RASA1: variants seen among roughly 807,000 people sequenced by gnomAD.
RASA1 encodes the protein RAS p21 protein activator 1.
A neutral mutation model predicts 132.2 loss-of-function variants in RASA1; 25 were observed. That is an observed-to-expected ratio of 0.19 (90% confidence interval 0.14 to 0.26). The LOEUF (loss-of-function observed/expected upper bound fraction) is 0.26, where lower values mean the gene tolerates loss of function less well. Ranked by LOEUF, RASA1 falls within the 10% of genes least tolerant of loss-of-function variation. The probability of loss-of-function intolerance (pLI) is 1.00; values close to 1 mark genes in which losing one functional copy is unlikely to be tolerated. For missense variants in RASA1, 964 were observed against 1,299.2 expected (o/e 0.74, Z 3.97); for synonymous variants, 477 against 449.9 (o/e 1.06, Z -0.76).
intron 4 of RASA1, among the ~76,000 whole-genome samples, chr5:87,335,439 T>C (rs2112378451): frequency 6.8e-6 from 1 of 146,350 alleles, no homozygotes; most frequent in Non-Finnish European, 1.5e-5. Flanking sequence ...TTTTTTTTTT[T>C]TTTTTGTGAC....
chr5:87,381,233 G>C (rs941728030), intron 20 of RASA1, among the ~76,000 whole-genome samples: 2 of 152,160 alleles, frequency 1.3e-5, no homozygotes, highest in African/African-American at 4.8e-5. Flanking sequence ...TCTGTCTGGA[G>C]AGGTTAAGTT....
intron 1 of RASA1, among the ~76,000 whole-genome samples, chr5:87,289,430 A>G (rs1308099972): frequency 6.6e-6 from 1 of 151,978 alleles, no homozygotes; most frequent in African/African-American, 2.4e-5. Context: ...TGAATCATTT[A>G]TTTTCTTGTA....
At chr5:87,381,887 T>C (rs79963785) in intron 20 of RASA1, among the ~76,000 whole-genome samples, 1,804 of 152,310 alleles carry the variant, frequency 0.012, 28 homozygotes, top group African/African-American at 0.041. Context: ...CTATGTATAA[T>C]TATCACAATA....
intron 9 of RASA1, among the ~76,000 whole-genome samples, chr5:87,361,772 G>T (rs1374938355): frequency 1.3e-5 from 2 of 152,114 alleles, no homozygotes; most frequent in African/African-American, 4.8e-5. Context: ...GGTTAGGGGT[G>T]TTAACACTTA....
At position 87,332,357 on chromosome 5, in the gene RASA1, G is replaced by A. The variant is rs578169577; in HGVS notation, c.693-150G>A. On this transcript the variant is annotated intron_variant, in intron 2 of 24. Transcript: ENST00000274376. Reference sequence around the variant, plus strand: ...ATAGCCCCAAGTAATTTACTGTGATGAAGATACTAATAAGTGGTATTTTAG... The same window carrying A: ...ATAGCCCCAAGTAATTTACTGTGATAAAGATACTAATAAGTGGTATTTTAG... The A allele has an allele frequency of 9.9e-5, 74 of 747,522 alleles. No individual in the cohort carries two copies. The East Asian group carries it at 1.9e-3, about 19-fold the overall frequency. The allele number at this position is 747,522 out of a possible 1,614,324, so 46.3% of individuals were successfully genotyped here.
Position 87,268,970 on chromosome 5 carries a change from G to A in RASA1, c.519G>A (p.Leu173=), listed in dbSNP as rs759689538. The change falls in exon 1 of 25, where the codon TTG becomes TTA. Residue 173 remains leucine (L), a synonymous_variant. Coordinates refer to ENST00000274376, the MANE Select transcript of RASA1 (RefSeq NM_002890.3). ...AGGAGGAAGAGGTGGCCATACCGTT[G>A]ACCGCTCCTCCAACTAACCAGTAAG... The part of the protein sequence containing the change: ...EYEEEEVAIP[L]TAPPTNQWYH... 12 of 1,614,066 alleles carry A rather than the reference G, an allele frequency of 7.4e-6. No individual in the cohort carries two copies. In the Admixed American group the frequency reaches 1.2e-4, roughly 16 times the overall value.
rs1762088596 is a variant in RASA1 at position 87,386,740 on chromosome 5, T to C, written c.2848-86T>C. The C allele has an allele frequency of 2.5e-6, 3 of 1,183,806 alleles. No homozygotes were observed. In the East Asian group the frequency reaches 7.1e-5, roughly 28 times the overall value. 73.3% of individuals were successfully genotyped at this position (1,183,806 alleles called of 1,614,324 possible). A position where few individuals can be genotyped will look rare whatever the true frequency, so the allele number is the denominator to read the frequency against. ...GCAATAGTAATTGCAGTTTTTGCTG[T>C]TAACTGTAATTACTTTTGCACCAAC... On this transcript the variant is annotated intron_variant, in intron 22 of 24. Coordinates refer to ENST00000274376, the MANE Select transcript of RASA1 (RefSeq NM_002890.3).
At position 87,268,579 on chromosome 5, in the gene RASA1, C is replaced by T. The variant is rs1466107957; in HGVS notation, c.128C>T (p.Pro43Leu). 2.5e-6 allele frequency: 4 copies of T among 1,609,302 alleles called. No individual in the cohort carries two copies. The highest frequency in any genetic ancestry group is 1.1e-5 in the South Asian group (1 of 90,436). The part of the protein sequence containing the change: ...VCRVKIPAAL[P>L]VAAAPYPGLV... ...CGGGTGAAGATACCCGCGGCCCTGC[C>T]TGTGGCAGCCGCCCCCTATCCTGGG... is the stretch of plus-strand genomic sequence containing the variant. The change falls in exon 1 of 25, where the codon CCT (proline) becomes CTT (leucine). Residue 43 changes from proline (P) to leucine (L), a missense_variant. By Grantham distance (98) the Pro-to-Leu change is moderately conservative. Coordinates refer to ENST00000274376, the MANE Select transcript of RASA1 (RefSeq NM_002890.3).
chr5:87,381,110 C>T (rs1761683466), intron 20 of RASA1, among the ~76,000 whole-genome samples: 1 of 152,180 alleles, frequency 6.6e-6, no homozygotes, highest in Non-Finnish European at 1.5e-5. Flanking sequence ...AAAGGGACTT[C>T]ATTATCATTA....
chr5:87,289,080 CTTTAATCTAGAACAGTCCTT>C (rs1227956081), intron 1 of RASA1, among the ~76,000 whole-genome samples: 3 of 151,950 alleles, frequency 2.0e-5, no homozygotes, highest in African/African-American at 7.3e-5. Flanking sequence ...TTTTTGTCTC[CTTTAATCTAGAACAGTCCTT>C]TTTGCTTTTT....
At chr5:87,378,828 G>A (rs1039411526) in intron 18 of RASA1, among the ~76,000 whole-genome samples, 10 of 152,160 alleles carry the variant, frequency 6.6e-5, no homozygotes, top group African/African-American at 1.9e-4. Context: ...TACAGAAAGC[G>A]TGCATAAGAT....
chr5:87,271,038 A>G (rs1418370759), intron 1 of RASA1, among the ~76,000 whole-genome samples: 1 of 152,162 alleles, frequency 6.6e-6, no homozygotes, highest in African/African-American at 2.4e-5. Flanking sequence ...CCGGAGTTTG[A>G]GACCAGCCTG....
At chr5:87,289,090 G>A (rs1181431016) in intron 1 of RASA1, among the ~76,000 whole-genome samples, 3 of 150,574 alleles carry the variant, frequency 2.0e-5, no homozygotes, top group East Asian at 4.0e-4. Context: ...CTTTAATCTA[G>A]AACAGTCCTT....
chr5:87,376,363 A>G, intron 15 of RASA1, 30 bp from the exon 16 acceptor site: 1 of 1,612,096 alleles, frequency 6.2e-7, no homozygotes, highest in African/African-American at 1.3e-5. Flanking sequence ...TTCTCTTTTT[A>G]AACAATAATT....
intron 1 of RASA1, among the ~76,000 whole-genome samples, chr5:87,317,947 ACTCTTAAG>A (rs1448970371): frequency 6.6e-6 from 1 of 150,994 alleles, no homozygotes; most frequent in Admixed American, 6.6e-5. Flanking sequence ...TTTTTCTCAC[ACTCTTAAG>A]CTCATTTTTT....
At chr5:87,346,788 A>G (rs1251031905) in intron 7 of RASA1, 64 bp downstream of exon 7, 7 of 1,276,476 alleles carry the variant, frequency 5.5e-6, no homozygotes, top group Admixed American at 3.5e-5. Flanking sequence ...TGAACAAACC[A>G]TTTATCATGT....
chr5:87,270,992 A>G (rs1248871710), intron 1 of RASA1, among the ~76,000 whole-genome samples: 1 of 152,072 alleles, frequency 6.6e-6, no homozygotes, highest in Non-Finnish European at 1.5e-5. Context: ...TAATCCCAGC[A>G]CTTCGGGAGG....
chr5:87,370,771 T>C (rs1340654781), intron 12 of RASA1, among the ~76,000 whole-genome samples: 2 of 152,198 alleles, frequency 1.3e-5, no homozygotes, highest in South Asian at 4.1e-4. Flanking sequence ...AACTTAAAGG[T>C]GGTTAAGAAG....
At chr5:87,285,379 T>A (rs563943017) in intron 1 of RASA1, among the ~76,000 whole-genome samples, 3,188 of 152,068 alleles carry the variant, frequency 0.021, 110 homozygotes, top group African/African-American at 0.072. Flanking sequence ...GAATGGTACC[T>A]TTTAATTAAT....
Sources: gnomAD v4.1 joint callset for allele counts (sites outside exome capture counted in the v4.1 genomes callset) on GRCh38, gnomAD v4.1.1 for gene constraint, MANE v1.5 for transcripts, NCBI Gene and HGNC (gene_info 2026-07-23, HGNC 2026-07-21) for gene names.